XKR9: variants seen among roughly 807,000 people sequenced by gnomAD.
XKR9 encodes the protein XK-related protein 9.
XKR9 carries 32 observed loss-of-function variants against 32.0 expected under a neutral mutation model. The observed-to-expected ratio is 1.00, with a 90% CI of 0.76 to 1.34. The LOEUF is 1.34. Ranked by LOEUF, XKR9 falls within the 40% of genes most tolerant of loss-of-function variation. The probability of loss-of-function intolerance (pLI) is 0.00; values close to 1 mark genes in which losing one functional copy is unlikely to be tolerated. For synonymous variants in XKR9, 168 were observed against 143.4 expected, an observed-to-expected ratio of 1.17 and a Z score of -1.22; for missense variants, 546 against 429.7, an observed-to-expected ratio of 1.27 and a Z score of -2.39.
chr8:70,735,091 TTTTA>T lies in XKR9; in HGVS notation c.*671_*674del, dbSNP rs1806820981. On this transcript the variant is annotated 3_prime_UTR_variant, in exon 5 of 5. Coordinates refer to ENST00000408926, the MANE Select transcript of XKR9 (RefSeq NM_001011720.2). ...TATCTAAATCATATTTTAAAATTAT[TTTTA>T]TTTTTAAAAAATTATGGTAAAAACA... 6.6e-6 allele frequency: 1 copy of T among 152,152 alleles called. No individual in the cohort carries two copies. The allele number at this position is 152,152 out of a possible 1,614,324, so 9.4% of individuals were successfully genotyped here. A position where few individuals can be genotyped will look rare whatever the true frequency, so the allele number is the denominator to read the frequency against.
rs551141178 is a variant in XKR9 at position 70,727,308 on chromosome 8, T to C, written c.494-6488T>C. Among the ~76,000 whole-genome samples the C allele has an allele frequency of 6.8e-3, 1,015 of 150,088 alleles. 6 individuals are homozygous for C. Among genetic ancestry groups the C allele is most frequent in the Non-Finnish European group, 0.011 (712 of 67,448 alleles). ...AAAATTATATTTTAACTAAAATATTTTTGAATTAAAGAAGACAAGTTTTTT... is the reference window on the plus strand; with the variant it reads ...AAAATTATATTTTAACTAAAATATTCTTGAATTAAAGAAGACAAGTTTTTT... On this transcript the variant is annotated intron_variant, in intron 4 of 4. Coordinates refer to ENST00000408926, the MANE Select transcript of XKR9 (RefSeq NM_001011720.2).
chr8:71,037,258 T>G, the XKR9 span, among the ~76,000 whole-genome samples: 1 of 152,210 alleles, frequency 6.6e-6, no homozygotes, highest in Non-Finnish European at 1.5e-5. Context: ...ATTGATAATA[T>G]CCACAATTGA....
Position 70,734,132 on chromosome 8 carries a change from A to G in XKR9, c.830A>G (p.Asn277Ser), listed in dbSNP as rs1806777723. Residue 277 changes from asparagine (N) to serine (S), a missense_variant, in exon 5 of 5, where the codon AAT becomes AGT. Asn to Ser is a conservative substitution (Grantham distance 46, BLOSUM62 1). Coordinates refer to ENST00000408926, the MANE Select transcript of XKR9 (RefSeq NM_001011720.2). ...VGFILIFTFFNIKGQNTKCPM... is the reference protein window; with the variant it reads ...VGFILIFTFFSIKGQNTKCPM... Reference sequence around the variant, plus strand: ...TTCATTCTTATCTTTACATTTTTTAATATTAAGGGACAGAATACCAAGTGT... The same window carrying G: ...TTCATTCTTATCTTTACATTTTTTAGTATTAAGGGACAGAATACCAAGTGT... The G allele has an allele frequency of 6.2e-7, 1 of 1,612,340 alleles. No individual in the cohort carries two copies. The highest frequency in any genetic ancestry group is 8.5e-7 in the Non-Finnish European group (1 of 1,178,828).
Position 70,757,181 on chromosome 8 carries a change from T to C in XKR9, n.353-32158T>C, listed in dbSNP as rs539791725. 4.6e-5 allele frequency among the ~76,000 whole-genome samples: 7 copies of C among 152,348 alleles called. No individual in the cohort carries two copies. The South Asian group carries it at 1.4e-3, about 32-fold the overall frequency. The stretch of plus-strand genomic sequence containing the variant: ...TGGATGTTTAGCTTTGAATTCTTGG[T>C]GAAATCTCATTTGGTTATGAATTTT... On this transcript the variant is annotated intron_variant and non_coding_transcript_variant, in intron 2 of 3. Transcript: ENST00000520273.
chr8:70,696,062 A>C (rs1447912507), intron 3 of XKR9, among the ~76,000 whole-genome samples: 1 of 149,680 alleles, frequency 6.7e-6, no homozygotes, highest in Non-Finnish European at 1.5e-5. Flanking sequence ...GTTTGAGTTC[A>C]TTGTAGATTC....
chr8:70,738,439 T>C (rs1806903506), downstream of XKR9, among the ~76,000 whole-genome samples: 1 of 149,336 alleles, frequency 6.7e-6, no homozygotes, highest in Non-Finnish European at 1.5e-5. Context: ...TTCATTAATT[T>C]TTTGAAGGGT....
chr8:70,708,181 C>CAAAT lies in XKR9; in HGVS notation c.493+1031_493+1034dup, dbSNP rs1251877072. Among the ~76,000 whole-genome samples, 3 of 151,960 alleles carry CAAAT rather than the reference C, an allele frequency of 2.0e-5. No individual in the cohort carries two copies. In the East Asian group the frequency reaches 5.8e-4, roughly 29 times the overall value. ...TGTATGAGATCTCTTTTTTGTGATGCAAATAATTCATGGATTGGGTTCTAT... is the reference window on the plus strand; with the variant it reads ...TGTATGAGATCTCTTTTTTGTGATGCAAATAAATAATTCATGGATTGGGTTCTAT... On this transcript the variant is annotated intron_variant, in intron 4 of 4. Coordinates refer to ENST00000408926, the MANE Select transcript of XKR9 (RefSeq NM_001011720.2).
chr8:70,766,767 T>C (rs2130221765), intron 2 of XKR9, among the ~76,000 whole-genome samples: 1 of 152,334 alleles, frequency 6.6e-6, no homozygotes, highest in Admixed American at 6.5e-5. Flanking sequence ...TTGAGATATG[T>C]TCCATCAATA....
intron 2 of XKR9, among the ~76,000 whole-genome samples, chr8:70,756,057 T>C (rs1352598963): frequency 6.6e-6 from 1 of 152,206 alleles, no homozygotes; most frequent in Non-Finnish European, 1.5e-5. Context: ...GAGTGTGAGA[T>C]AAGTGTTTAT....
At chr8:70,793,784 G>A (rs1807794708), downstream of XKR9, among the ~76,000 whole-genome samples, 1 of 151,790 alleles carries the variant, frequency 6.6e-6, no homozygotes, top group Non-Finnish European at 1.5e-5. Context: ...ATTGGGAAGT[G>A]TGAGTTCTCT....
chr8:70,937,837 C>T, the XKR9 span, among the ~76,000 whole-genome samples: 1 of 152,056 alleles, frequency 6.6e-6, no homozygotes, highest in Non-Finnish European at 1.5e-5. Flanking sequence ...TCATTAAAGG[C>T]CTTTCCAGTG....
chr8:70,944,613 C>G, the XKR9 span, among the ~76,000 whole-genome samples: 5 of 152,184 alleles, frequency 3.3e-5, no homozygotes, highest in East Asian at 9.6e-4. Context: ...AAATTTCTTG[C>G]GCTCAGCAGT....
chr8:70,730,790 C>T (rs911054580), intron 4 of XKR9, among the ~76,000 whole-genome samples: 3 of 152,208 alleles, frequency 2.0e-5, no homozygotes, highest in African/African-American at 4.8e-5. Context: ...TACTGAGCTA[C>T]ACAGCATTGA....
the XKR9 span, among the ~76,000 whole-genome samples, chr8:70,931,705 A>G: frequency 6.6e-6 from 1 of 152,190 alleles, no homozygotes; most frequent in Non-Finnish European, 1.5e-5. Context: ...GGAGCTTACA[A>G]TCATGGCAGA....
intron 2 of XKR9, among the ~76,000 whole-genome samples, chr8:70,679,793 G>A (rs1345569963): frequency 6.6e-6 from 1 of 152,110 alleles, no homozygotes. Flanking sequence ...AATAATAGTA[G>A]AATCTACATT....
chr8:70,893,605 G>T, the XKR9 span, among the ~76,000 whole-genome samples: 1 of 152,190 alleles, frequency 6.6e-6, no homozygotes, highest in East Asian at 1.9e-4. Context: ...TACTTCAGCA[G>T]CTGTGTTCGA....
chr8:70,922,673 A>C, the XKR9 span, among the ~76,000 whole-genome samples: 2 of 152,210 alleles, frequency 1.3e-5, no homozygotes, highest in African/African-American at 4.8e-5. Flanking sequence ...CTGTCAAACC[A>C]ACAATAACAG....
chr8:70,715,046 AAAT>A (rs1806044482), intron 4 of XKR9, among the ~76,000 whole-genome samples: 1 of 152,166 alleles, frequency 6.6e-6, no homozygotes, highest in Non-Finnish European at 1.5e-5. Context: ...CAAAAATGTC[AAAT>A]AATAGTGTCA....
chr8:70,811,945 G>A, the XKR9 span, among the ~76,000 whole-genome samples: 1 of 151,992 alleles, frequency 6.6e-6, no homozygotes, highest in Admixed American at 6.6e-5. Flanking sequence ...ATTTTATGAG[G>A]CCAGCATCAT....
Sources: gnomAD v4.1 joint callset for allele counts (sites outside exome capture counted in the v4.1 genomes callset) on GRCh38, gnomAD v4.1.1 for gene constraint, MANE v1.5 for transcripts, NCBI Gene and HGNC (gene_info 2026-07-23, HGNC 2026-07-21) for gene names.